BBS9: variants seen among roughly 807,000 people sequenced by gnomAD.
BBS9 encodes Bardet-Biedl syndrome 9.
A neutral mutation model predicts 117.7 loss-of-function variants in BBS9; 89 were observed. The observed-to-expected ratio is 0.76, with a 90% CI of 0.64 to 0.90. The LOEUF (loss-of-function observed/expected upper bound fraction) is 0.90, where lower values mean the gene tolerates loss of function less well. Among genes scored for constraint, BBS9 ranks in the 40% least tolerant of loss-of-function variants. The pLI is 0.00. For synonymous variants in BBS9, 379 were observed against 370.9 expected (o/e 1.02, Z -0.25); for missense variants, 982 against 1,042.2 (o/e 0.94, Z 0.80).
intron 5 of BBS9, among the ~76,000 whole-genome samples, chr7:33,242,426 G>A (rs1393381615): frequency 1.3e-5 from 2 of 152,062 alleles, no homozygotes; most frequent in Non-Finnish European, 2.9e-5. Flanking sequence ...TCTCATTTGA[G>A]AGCAGGAAAA....
At chr7:33,606,463 A>C (rs1162918722), downstream of BBS9, among the ~76,000 whole-genome samples, 4 of 152,178 alleles carry the variant, frequency 2.6e-5, no homozygotes, top group Non-Finnish European at 5.9e-5. Flanking sequence ...TATGGAAGCT[A>C]TGTGGACATT....
At chr7:33,230,071 CTATT>C (rs1251275143) in intron 5 of BBS9, among the ~76,000 whole-genome samples, 3 of 152,068 alleles carry the variant, frequency 2.0e-5, no homozygotes, top group Non-Finnish European at 2.9e-5. Flanking sequence ...GGAGAAATGT[CTATT>C]TATGTCTTTT....
At chr7:33,183,350 T>C (rs1198155067) in intron 5 of BBS9, among the ~76,000 whole-genome samples, 2 of 152,034 alleles carry the variant, frequency 1.3e-5, no homozygotes, top group Non-Finnish European at 2.9e-5. Context: ...AAAAACCCCT[T>C]TTCCAGAAAA....
intron 19 of BBS9, among the ~76,000 whole-genome samples, chr7:33,404,564 C>G (rs1426280198): frequency 6.6e-6 from 1 of 151,916 alleles, no homozygotes; most frequent in African/African-American, 2.4e-5. Flanking sequence ...CTTCACATCC[C>G]TTGTAAGTTG....
intron 21 of BBS9, among the ~76,000 whole-genome samples, chr7:33,574,125 G>C (rs1858309525): frequency 6.6e-6 from 1 of 152,150 alleles, no homozygotes; most frequent in African/African-American, 2.4e-5. Flanking sequence ...CCAAACACAT[G>C]CTTGTTCCAC....
intron 21 of BBS9, among the ~76,000 whole-genome samples, chr7:33,617,734 A>G (rs1865211223): frequency 6.6e-6 from 1 of 152,226 alleles, no homozygotes; most frequent in Non-Finnish European, 1.5e-5. Flanking sequence ...TTCTAGTGCT[A>G]AAGAACACAG....
chr7:33,594,469 T>C (rs1435607605), intron 21 of BBS9, among the ~76,000 whole-genome samples: 1 of 152,072 alleles, frequency 6.6e-6, no homozygotes, highest in African/African-American at 2.4e-5. Context: ...AGTCATGGGA[T>C]GGATTTACAA....
At chr7:33,534,282 T>C (rs1851034944) in intron 21 of BBS9, 106 bp downstream of exon 21, 2 of 1,217,850 alleles carry the variant, frequency 1.6e-6, no homozygotes, top group Admixed American at 4.0e-5. Context: ...AAAGTGATGA[T>C]AGCCAAGAAA....
intron 17 of BBS9, among the ~76,000 whole-genome samples, chr7:33,369,089 G>T (rs571620752): frequency 6.6e-6 from 1 of 152,208 alleles, no homozygotes; most frequent in South Asian, 2.1e-4. Flanking sequence ...AATTTCAAAT[G>T]TATAGTTCAA....
chr7:33,580,614 A>G (rs1245323526), intron 21 of BBS9, among the ~76,000 whole-genome samples: 1 of 152,210 alleles, frequency 6.6e-6, no homozygotes, highest in African/African-American at 2.4e-5. Context: ...GAACCCTACA[A>G]GAGGCTGAAC....
chr7:33,454,589 A>G (rs894231826), intron 19 of BBS9, among the ~76,000 whole-genome samples: 8 of 152,238 alleles, frequency 5.3e-5, no homozygotes, highest in African/African-American at 1.9e-4. Context: ...GTCACTGCCA[A>G]GAGGATGGGA....
chr7:33,511,654 G>T (rs746218317), intron 20 of BBS9, among the ~76,000 whole-genome samples: 4 of 152,154 alleles, frequency 2.6e-5, no homozygotes, highest in African/African-American at 7.2e-5. Context: ...TACATCAGTG[G>T]GGGAAGGAGA....
chr7:33,236,263 C>A (rs201946306), intron 5 of BBS9, among the ~76,000 whole-genome samples: 1 of 145,268 alleles, frequency 6.9e-6, no homozygotes, highest in Admixed American at 7.2e-5. Context: ...GAGGCAGAGG[C>A]TGCAGTGAGC....
chr7:33,505,762 C>A, intron 20 of BBS9, 117 bp downstream of exon 20: 1 of 1,083,326 alleles, frequency 9.2e-7, no homozygotes, highest in Non-Finnish European at 1.3e-6. Flanking sequence ...TGATTTTTTA[C>A]AAAAATGCTG....
At chr7:33,306,264 T>C (rs1807925562) in intron 9 of BBS9, among the ~76,000 whole-genome samples, 1 of 152,066 alleles carries the variant, frequency 6.6e-6, no homozygotes, top group African/African-American at 2.4e-5. Flanking sequence ...AGATGCTTGA[T>C]ATTATTTCAA....
intron 7 of BBS9, among the ~76,000 whole-genome samples, chr7:33,269,376 G>A (rs896681531): frequency 6.6e-6 from 1 of 152,012 alleles, no homozygotes; most frequent in African/African-American, 2.4e-5. Flanking sequence ...TGCCTGTCAG[G>A]GACCCTGGCT....
intron 21 of BBS9, among the ~76,000 whole-genome samples, chr7:33,614,182 G>A (rs971080463): frequency 3.3e-5 from 5 of 152,120 alleles, no homozygotes; most frequent in East Asian, 1.9e-4. Context: ...CAGTGAAATG[G>A]TTATTCTTTT....
chr7:33,304,179 A>T (rs916475564), intron 9 of BBS9, among the ~76,000 whole-genome samples: 3 of 144,514 alleles, frequency 2.1e-5, no homozygotes, highest in African/African-American at 7.9e-5. Flanking sequence ...GGAAGTGAGG[A>T]GCGTTTCTGC....
At chr7:33,547,164 G>A (rs1853532571) in intron 21 of BBS9, among the ~76,000 whole-genome samples, 1 of 152,076 alleles carries the variant, frequency 6.6e-6, no homozygotes, top group African/African-American at 2.4e-5. Context: ...GACTCTGTAG[G>A]GAGCAGTGAA....
Sources: allele counts gnomAD v4.1 joint callset (sites outside exome capture counted in the v4.1 genomes callset), GRCh38; gene constraint gnomAD v4.1.1; transcripts MANE v1.5; gene names NCBI Gene and HGNC (gene_info 2026-07-23, HGNC 2026-07-21).